Variants in GLRA2 observed in about 807,000 individuals in gnomAD.
The protein encoded by GLRA2 is glycine receptor subunit alpha-2.
GLRA2 carries 11 observed loss-of-function variants against 31.6 expected under a neutral mutation model. That is an observed-to-expected ratio of 0.35 (90% CI 0.22 to 0.58). The LOEUF (loss-of-function observed/expected upper bound fraction) is 0.58. Among genes scored for constraint, GLRA2 ranks in the 20% least tolerant of loss-of-function variants. The probability of loss-of-function intolerance (pLI) is 0.84; values close to 1 mark genes in which losing one functional copy is unlikely to be tolerated. For missense variants in GLRA2, 212 were observed against 351.8 expected, an observed-to-expected ratio of 0.60 and a Z score of 3.18; for synonymous variants, 132 against 134.0, an observed-to-expected ratio of 0.99 and a Z score of 0.10.
the GLRA2 span, among the ~76,000 whole-genome samples, chrX:14,458,004 C>T: frequency 9.1e-6 from 1 of 110,384 alleles, no homozygotes; most frequent in African/African-American, 3.3e-5. Flanking sequence ...AGGTATATCT[C>T]CTAATGCTAT....
At chrX:14,501,166 C>T in the GLRA2 span, among the ~76,000 whole-genome samples, 1 of 110,713 alleles carries the variant, frequency 9.0e-6, no homozygotes, top group African/African-American at 3.3e-5. Context: ...TCTGCGGAAC[C>T]CACCATGACA....
chrX:14,724,397 G>A (rs1277460663), intron 8 of GLRA2, among the ~76,000 whole-genome samples: 31 of 109,641 alleles, frequency 2.8e-4, no homozygotes, highest in Non-Finnish European at 2.3e-4. Context: ...AGGCCGAAGC[G>A]GGTGCATCAC....
intron 7 of GLRA2, among the ~76,000 whole-genome samples, chrX:14,652,474 CA>C (rs1476109360): frequency 1.8e-5 from 2 of 111,682 alleles, no homozygotes; most frequent in Admixed American, 1.9e-4. Flanking sequence ...CGCAACCCTG[CA>C]CCAAGCAAGT....
the GLRA2 span, among the ~76,000 whole-genome samples, chrX:14,473,800 G>C: frequency 8.9e-6 from 1 of 111,834 alleles, no homozygotes; most frequent in Admixed American, 9.5e-5. Flanking sequence ...TTATATGAAA[G>C]GAAACTGTTT....
rs901588517 is a variant in GLRA2, at chrX:14,635,803, C to T, written c.930+26598C>T. Among the ~76,000 whole-genome samples the T allele has an allele frequency of 3.6e-5, 4 of 111,528 alleles. No homozygotes were observed. The South Asian group carries it at 1.5e-3, about 42-fold the overall frequency. On this transcript the variant is annotated intron_variant, in intron 7 of 8. Transcript: ENST00000218075. ...TGTCTCATGTTATGTCTATTGAAAACAATTCCTAGGGAGAAATTTTGGGTA... is the reference window on the plus strand; with the variant it reads ...TGTCTCATGTTATGTCTATTGAAAATAATTCCTAGGGAGAAATTTTGGGTA...
At chrX:14,493,710 T>TATACAC in the GLRA2 span, among the ~76,000 whole-genome samples, 1 of 98,448 alleles carries the variant, frequency 1.0e-5, no homozygotes, top group African/African-American at 4.0e-5. Context: ...TGTATACACA[T>TATACAC]GTATACATAT....
chrX:14,636,304 T>C (rs749343766), intron 7 of GLRA2, among the ~76,000 whole-genome samples: 13 of 111,312 alleles, frequency 1.2e-4, no homozygotes, highest in African/African-American at 4.2e-4. Flanking sequence ...AAAGAGTAAC[T>C]TTACAGTAGA....
the GLRA2 span, among the ~76,000 whole-genome samples, chrX:14,467,837 G>A: frequency 9.2e-6 from 1 of 108,862 alleles, no homozygotes; most frequent in Non-Finnish European, 1.9e-5. Context: ...AGGCATTAGT[G>A]TGTAAGGACC....
At chrX:14,564,223 T>C (rs531533135) in intron 2 of GLRA2, among the ~76,000 whole-genome samples, 36 of 109,479 alleles carry the variant, frequency 3.3e-4, no homozygotes, top group Middle Eastern at 4.7e-3. Context: ...GAAAAACAAC[T>C]CATTACATAC....
At chrX:14,526,012 T>C (rs754094279), upstream of GLRA2, among the ~76,000 whole-genome samples, 1 of 112,165 alleles carries the variant, frequency 8.9e-6, no homozygotes, top group South Asian at 3.7e-4. Flanking sequence ...CAAACAGTCA[T>C]ACACATGTAT....
At chrX:14,681,961 ATATT>A (rs1365666260) in intron 7 of GLRA2, among the ~76,000 whole-genome samples, 15 of 85,827 alleles carry the variant, frequency 1.7e-4, no homozygotes, top group African/African-American at 5.1e-4. Flanking sequence ...CTATATATGT[ATATT>A]TATGTGTGTA....
intron 7 of GLRA2, among the ~76,000 whole-genome samples, chrX:14,646,737 T>TA (rs1288952538): frequency 9.0e-6 from 1 of 111,708 alleles, no homozygotes; most frequent in African/African-American, 3.3e-5. Context: ...CTTAGGGTGA[T>TA]ATAGTCCAGA....
chrX:14,523,510 A>G, the GLRA2 span, among the ~76,000 whole-genome samples: 1 of 112,143 alleles, frequency 8.9e-6, no homozygotes, highest in Non-Finnish European at 1.9e-5. Context: ...CAAGAGGCCT[A>G]ACTTTTGGCC....
the GLRA2 span, among the ~76,000 whole-genome samples, chrX:14,507,129 C>T: frequency 8.9e-6 from 1 of 111,736 alleles, no homozygotes; most frequent in Non-Finnish European, 1.9e-5. Flanking sequence ...TCTTTTGCTT[C>T]CTCATTAATT....
intron 8 of GLRA2, among the ~76,000 whole-genome samples, chrX:14,725,080 C>T (rs1300815789): frequency 8.9e-6 from 1 of 111,797 alleles, no homozygotes; most frequent in Non-Finnish European, 1.9e-5. Context: ...AGCACTATAA[C>T]TATAGGAAGC....
intron 8 of GLRA2, among the ~76,000 whole-genome samples, chrX:14,716,489 G>A (rs2091788253): frequency 9.0e-6 from 1 of 111,654 alleles, no homozygotes; most frequent in South Asian, 3.8e-4. Context: ...CTGCAGAAAG[G>A]ACTACAATTG....
At chrX:14,594,605 G>GA (rs1449170039) in intron 4 of GLRA2, among the ~76,000 whole-genome samples, 1 of 111,380 alleles carries the variant, frequency 9.0e-6, no homozygotes, top group Non-Finnish European at 1.9e-5. Context: ...TTTCATCCAG[G>GA]AAATATCAAA....
intron 2 of GLRA2, among the ~76,000 whole-genome samples, chrX:14,545,297 C>T (rs186784116): frequency 2.3e-4 from 25 of 111,081 alleles, no homozygotes; most frequent in East Asian, 8.6e-4. Context: ...CATCATCCCA[C>T]GGTAGAAAGC....
intron 4 of GLRA2, among the ~76,000 whole-genome samples, chrX:14,595,778 C>T (rs1286054853): frequency 9.0e-6 from 1 of 111,667 alleles, no homozygotes; most frequent in Non-Finnish European, 1.9e-5. Flanking sequence ...ATTCTGTTCA[C>T]GTGTGTCTGA....
Sources: gnomAD v4.1 joint callset for allele counts (sites outside exome capture counted in the v4.1 genomes callset) on GRCh38, gnomAD v4.1.1 for gene constraint, MANE v1.5 for transcripts, NCBI Gene and HGNC (gene_info 2026-07-23, HGNC 2026-07-21) for gene names.